The following RIF1 variants were observed in gnomAD, a reference collection of about 807,000 sequenced individuals.
RIF1 encodes telomere-associated protein RIF1.
Under a neutral mutation model 247.1 loss-of-function variants are expected in RIF1, and 45 were observed. The observed-to-expected ratio is 0.18, with a 90% CI of 0.14 to 0.23. The LOEUF (loss-of-function observed/expected upper bound fraction) is 0.23. Among genes scored for constraint, RIF1 ranks in the 10% least tolerant of loss-of-function variants. The pLI, the probability that RIF1 is intolerant of heterozygous loss-of-function variation, is 1.00. For synonymous variants in RIF1, 1,087 were observed against 978.8 expected (o/e 1.11, Z -2.06); for missense variants, 2,967 against 2,862.5 (o/e 1.04, Z -0.83).
intron 24 of RIF1, among the ~76,000 whole-genome samples, chr2:151,458,309 T>C (rs1695561618): frequency 2.1e-5 from 3 of 145,492 alleles, no homozygotes; most frequent in Admixed American, 1.5e-4. Flanking sequence ...CTGGGCTCAC[T>C]GCAAGCTCTG....
intron 34 of RIF1, among the ~76,000 whole-genome samples, chr2:151,472,378 A>G (rs992479300): frequency 6.6e-6 from 1 of 152,162 alleles, no homozygotes; most frequent in African/African-American, 2.4e-5. Flanking sequence ...CTCTTGCCTG[A>G]TTGCCCTGGC....
intron 9 of RIF1, among the ~76,000 whole-genome samples, chr2:151,430,915 A>T (rs2152299215): frequency 6.6e-6 from 1 of 152,232 alleles, no homozygotes; most frequent in African/African-American, 2.4e-5. Flanking sequence ...CAGCCTTCCA[A>T]AGTGTTAGGA....
At chr2:151,526,178 C>G in the RIF1 span, 2 of 1,613,960 alleles carry the variant, frequency 1.2e-6, no homozygotes, top group South Asian at 2.2e-5. Context: ...AGGTTGCTGA[C>G]AGTCTTCGCC....
the RIF1 span, among the ~76,000 whole-genome samples, chr2:151,529,019 C>T: frequency 6.6e-6 from 1 of 152,192 alleles, no homozygotes; most frequent in East Asian, 1.9e-4. Flanking sequence ...CTTTGCTCTT[C>T]CCTATGCTCC....
intron 11 of RIF1, chr2:151,499,593 A>G: frequency 2.5e-6 from 1 of 402,924 alleles, no homozygotes; most frequent in Non-Finnish European, 4.5e-6. Flanking sequence ...TTTGATATTC[A>G]TCATCTTTTT....
chr2:151,445,453 A>G lies in RIF1; in HGVS notation c.2094+8A>G, dbSNP rs1424856919. 1.6e-6 allele frequency: 2 copies of G among 1,253,002 alleles called. No individual in the cohort carries two copies. Among genetic ancestry groups the G allele is most frequent in the African/African-American group, 1.5e-5 (1 of 67,904 alleles). The allele number at this position is 1,253,002 out of a possible 1,614,324, so 77.6% of individuals were successfully genotyped here. A position where few individuals can be genotyped will look rare whatever the true frequency, so the allele number is the denominator to read the frequency against. ...GAACAGAGATTTCCAGTGGTAAGGC[A>G]TTGTCAAGTATTGATTTCCGAGGGA... On this transcript the variant is annotated splice_region_variant and intron_variant, in intron 19 of 35. Transcript: ENST00000444746.
intron 18 of RIF1, among the ~76,000 whole-genome samples, chr2:151,444,812 G>GT (rs1331994669): frequency 4.6e-5 from 7 of 152,150 alleles, no homozygotes; most frequent in Admixed American, 4.6e-4. Context: ...CTTAAACATA[G>GT]TGCATAATTT....
the RIF1 span, among the ~76,000 whole-genome samples, chr2:151,520,291 G>A: frequency 1.7e-3 from 255 of 152,176 alleles, 2 homozygotes; most frequent in South Asian, 0.031. Flanking sequence ...GGCCAAAAAT[G>A]GTATAACTCC....
At chr2:151,526,204 G>A in the RIF1 span, 84 of 1,613,804 alleles carry the variant, frequency 5.2e-5, no homozygotes, top group South Asian at 2.2e-4. Flanking sequence ...GATCTGAGGC[G>A]TGTCAGGTAC....
chr2:151,474,852 T>C lies in RIF1; in HGVS notation c.7205-5T>C, dbSNP rs1559038251. On this transcript the variant is annotated splice_region_variant and splice_polypyrimidine_tract_variant and intron_variant, in intron 35 of 35. Coordinates refer to ENST00000444746, the MANE Select transcript of RIF1 (RefSeq NM_018151.5). ...TTTAATTGTGGTTTTTTTTTTCTCT[T>C]TTAGATATAATTGATCCTGTTGCTT... 3.4e-6 allele frequency: 5 copies of C among 1,451,672 alleles called. No individual in the cohort carries two copies. The highest frequency in any genetic ancestry group is 3.8e-6 in the Non-Finnish European group (4 of 1,041,040). The allele number at this position is 1,451,672 out of a possible 1,614,324, so 89.9% of individuals were successfully genotyped here.
At chr2:151,531,647 TG>T in the RIF1 span, 2,462 of 668,674 alleles carry the variant, frequency 3.7e-3, 54 homozygotes, top group African/African-American at 0.039. Context: ...AGGAGAATCC[TG>T]TGCATAACAG....
the RIF1 span, among the ~76,000 whole-genome samples, chr2:151,533,251 G>A: frequency 1.3e-5 from 2 of 152,348 alleles, no homozygotes; most frequent in African/African-American, 4.8e-5. Context: ...GTCAGATGAT[G>A]TACGGATGAC....
At chr2:151,515,991 T>C in the RIF1 span, among the ~76,000 whole-genome samples, 3 of 152,242 alleles carry the variant, frequency 2.0e-5, no homozygotes, top group Non-Finnish European at 4.4e-5. Flanking sequence ...AATTTAGTGC[T>C]TCTGCTTACA....
chr2:151,491,053 G>C (rs1450744369), intron 9 of RIF1, among the ~76,000 whole-genome samples: 2 of 102,174 alleles, frequency 2.0e-5, no homozygotes, highest in African/African-American at 8.5e-5. Flanking sequence ...TTTTTTTTTT[G>C]AGATGGGGTC....
At chr2:151,453,343 G>A (rs1189398050) in intron 21 of RIF1, among the ~76,000 whole-genome samples, 1 of 152,078 alleles carries the variant, frequency 6.6e-6, no homozygotes, top group Non-Finnish European at 1.5e-5. Flanking sequence ...TTGAGAGGCC[G>A]AGGTGGGTGG....
intron 26 of RIF1, 118 bp downstream of exon 26, chr2:151,460,237 G>A: frequency 1.3e-6 from 1 of 767,210 alleles, no homozygotes; most frequent in Non-Finnish European, 2.0e-6. Context: ...GGATTGCAGG[G>A]GAATTGAGGG....
At position 151,446,487 on chromosome 2, in the gene RIF1, C is replaced by T; in HGVS notation, c.2156C>T (p.Ala719Val). 6.2e-7 allele frequency: 1 copy of T among 1,613,986 alleles called. No individual in the cohort carries two copies. Among genetic ancestry groups the T allele is most frequent in the South Asian group, 1.1e-5 (1 of 91,008 alleles). Residue 719 changes from alanine to valine, a missense_variant, in exon 20 of 36, where the codon GCT (alanine) becomes GTT (valine). Physicochemically the swap from Ala to Val is moderately conservative, Grantham distance 64. Transcript: ENST00000444746. ...TTATATAGAGCATTTGCTCGTTGTG[C>T]TGCTTTGGTGGCAACAGCAGAAGAG... is the stretch of plus-strand genomic sequence containing the variant. ...SELYRAFARC[A>V]ALVATAEENL...
chr2:151,503,134 A>G (rs2065999947), exon 12 of RIF1: 4 of 593,186 alleles, frequency 6.7e-6, no homozygotes, highest in South Asian at 4.4e-5. Context: ...TTCTACTTAT[A>G]GTATTTCAAA....
In RIF1 at chr2:151,468,068, C is replaced by T. The variant is rs749332462; in HGVS notation, c.6669C>T (p.Cys2223=). The T allele has an allele frequency of 9.9e-6, 16 of 1,613,236 alleles. No individual in the cohort carries two copies. The Admixed American group carries it at 1.7e-4, about 17-fold the overall frequency. ...TGGCAGATGACATTGATAGACGGTG[C>T]TCTATTGTTAGGTCCCATTCTTCCA... ...AGLADDIDRR[C]SIVRSHSSNS... Residue 2223 remains cysteine, a synonymous_variant, in exon 31 of 36, where the codon TGC becomes TGT. Transcript: ENST00000444746.
Sources: allele counts gnomAD v4.1 joint callset (sites outside exome capture counted in the v4.1 genomes callset), GRCh38; gene constraint gnomAD v4.1.1; transcripts MANE v1.5; gene names NCBI Gene and HGNC (gene_info 2026-07-23, HGNC 2026-07-21).